Variants in FBXL17 observed in about 807,000 individuals in gnomAD.
FBXL17 encodes F-box/LRR-repeat protein 17.
FBXL17 carries 22 observed loss-of-function variants against 66.2 expected under a neutral mutation model. That is an observed-to-expected ratio of 0.33 (90% CI 0.24 to 0.47). The LOEUF is 0.47. Ranked by LOEUF, FBXL17 falls within the 20% of genes least tolerant of loss-of-function variation. The pLI, the probability that FBXL17 is intolerant of heterozygous loss-of-function variation, is 1.00. For missense variants in FBXL17, 878 were observed against 948.2 expected (o/e 0.93, Z 0.97); for synonymous variants, 474 against 400.5 (o/e 1.18, Z -2.19).
At chr5:108,339,496 T>C (rs1407301237) in intron 4 of FBXL17, among the ~76,000 whole-genome samples, 2 of 152,002 alleles carry the variant, frequency 1.3e-5, no homozygotes, top group Non-Finnish European at 1.5e-5. Flanking sequence ...CACACTTGTA[T>C]CTTAGAGATA....
intron 4 of FBXL17, among the ~76,000 whole-genome samples, chr5:108,310,028 T>TA (rs1293661591): frequency 6.6e-6 from 1 of 152,136 alleles, no homozygotes; most frequent in Non-Finnish European, 1.5e-5. Flanking sequence ...TGCAAAATAT[T>TA]ATTCTATAAG....
chr5:108,210,693 T>C (rs1164047827), intron 5 of FBXL17, among the ~76,000 whole-genome samples: 2 of 152,180 alleles, frequency 1.3e-5, no homozygotes, highest in Non-Finnish European at 2.9e-5. Context: ...TTATGATTTC[T>C]GCTCTTTTGC....
chr5:108,332,756 C>A (rs1055541352), intron 4 of FBXL17, among the ~76,000 whole-genome samples: 40 of 151,916 alleles, frequency 2.6e-4, no homozygotes, highest in African/African-American at 9.2e-4. Flanking sequence ...TATGGTTGTG[C>A]ACCATCATGT....
At chr5:108,086,035 T>A (rs1561402602) in intron 6 of FBXL17, among the ~76,000 whole-genome samples, 1 of 152,178 alleles carries the variant, frequency 6.6e-6, no homozygotes, top group Non-Finnish European at 1.5e-5. Context: ...CCTACCAAAA[T>A]CATTCATAGA....
chr5:107,885,078 A>G (rs1315006336), intron 7 of FBXL17, among the ~76,000 whole-genome samples: 1 of 152,192 alleles, frequency 6.6e-6, no homozygotes, highest in Non-Finnish European at 1.5e-5. Flanking sequence ...CTGTAAATGT[A>G]ATGTATCATT....
At chr5:107,880,103 G>C (rs1178614645) in intron 8 of FBXL17, 1 of 218,982 alleles carries the variant, frequency 4.6e-6, no homozygotes, top group Non-Finnish European at 7.7e-6. Flanking sequence ...GTCGTGCTCC[G>C]TCATCCAGGC....
At chr5:107,964,538 C>T (rs921949111) in intron 7 of FBXL17, among the ~76,000 whole-genome samples, 10 of 152,124 alleles carry the variant, frequency 6.6e-5, no homozygotes, top group Non-Finnish European at 1.3e-4. Flanking sequence ...GAAGCTGTAC[C>T]CAATTCTCAT....
At chr5:107,980,645 A>AATATATATAT (rs61438456) in intron 7 of FBXL17, among the ~76,000 whole-genome samples, 11 of 79,204 alleles carry the variant, frequency 1.4e-4, no homozygotes, top group African/African-American at 6.7e-4. Flanking sequence ...CCAATAAAAT[A>AATATATATAT]ATATATATAT....
chr5:108,009,300 T>TATATATATATATATACAC (rs1554056634), intron 7 of FBXL17, among the ~76,000 whole-genome samples: 1 of 63,302 alleles, frequency 1.6e-5, no homozygotes. Context: ...TATATATATA[T>TATATATATATATATACAC]ACATATATAC....
intron 7 of FBXL17, among the ~76,000 whole-genome samples, chr5:107,997,649 G>A (rs1753533255): frequency 6.6e-6 from 1 of 152,112 alleles, no homozygotes; most frequent in Admixed American, 6.5e-5. Context: ...TCTGTCTGAT[G>A]TTCTTGTCTG....
intron 4 of FBXL17, among the ~76,000 whole-genome samples, chr5:108,282,133 A>G (rs1162368929): frequency 6.6e-6 from 1 of 151,856 alleles, no homozygotes; most frequent in African/African-American, 2.4e-5. Context: ...AAACTGTTTC[A>G]AAAAATTGAG....
At chr5:107,993,345 C>T (rs1299410314) in intron 7 of FBXL17, among the ~76,000 whole-genome samples, 2 of 152,084 alleles carry the variant, frequency 1.3e-5, no homozygotes, top group Non-Finnish European at 1.5e-5. Context: ...TCTTTATCCA[C>T]GTGTATTTCT....
At chr5:108,117,408 A>G (rs1750302029) in intron 6 of FBXL17, among the ~76,000 whole-genome samples, 1 of 152,262 alleles carries the variant, frequency 6.6e-6, no homozygotes, top group African/African-American at 2.4e-5. Flanking sequence ...TAATTAAGGA[A>G]CAAATGAAAA....
At chr5:108,042,705 G>C (rs944893913) in intron 6 of FBXL17, among the ~76,000 whole-genome samples, 1 of 152,132 alleles carries the variant, frequency 6.6e-6, no homozygotes, top group African/African-American at 2.4e-5. Context: ...TTTGAATAAA[G>C]CTTCTATAAA....
At chr5:108,016,378 G>A (rs288175) in intron 7 of FBXL17, among the ~76,000 whole-genome samples, 45,113 of 151,976 alleles carry the variant, frequency 0.3, 7,284 homozygotes, top group East Asian at 0.54. Context: ...CCAAACAACA[G>A]TGTCAGTATT....
chr5:107,991,599 T>C (rs188386283), intron 7 of FBXL17, among the ~76,000 whole-genome samples: 19 of 152,314 alleles, frequency 1.2e-4, no homozygotes, highest in Non-Finnish European at 2.8e-4. Context: ...GCCTTGCAAG[T>C]TACTGTGTTC....
At chr5:108,143,008 T>C (rs1751415509) in intron 6 of FBXL17, among the ~76,000 whole-genome samples, 2 of 72,690 alleles carry the variant, frequency 2.8e-5, no homozygotes, top group Non-Finnish European at 6.4e-5. Context: ...TAATAAAAGA[T>C]TCTCACAGGA....
chr5:108,361,196 G>T (rs1748315960), intron 3 of FBXL17, among the ~76,000 whole-genome samples: 1 of 152,016 alleles, frequency 6.6e-6, no homozygotes, highest in East Asian at 1.9e-4. Flanking sequence ...TAAAATATTA[G>T]ATTATAATGT....
intron 7 of FBXL17, among the ~76,000 whole-genome samples, chr5:107,883,219 T>C (rs991733375): frequency 6.6e-6 from 1 of 152,230 alleles, no homozygotes; most frequent in African/African-American, 2.4e-5. Context: ...AGTCTTATTG[T>C]TATTTCCACT....
Sources: allele counts gnomAD v4.1 joint callset (sites outside exome capture counted in the v4.1 genomes callset), GRCh38; gene constraint gnomAD v4.1.1; transcripts MANE v1.5; gene names NCBI Gene and HGNC (gene_info 2026-07-23, HGNC 2026-07-21).